Variants in GPR158 observed in about 807,000 individuals in gnomAD.
GPR158 encodes metabotropic glycine receptor.
GPR158 carries 30 observed loss-of-function variants against 78.2 expected under a neutral mutation model. The observed-to-expected ratio is 0.38, with a 90% confidence interval of 0.29 to 0.52. GPR158 has a LOEUF of 0.52. Ranked by LOEUF, GPR158 falls within the 20% of genes least tolerant of loss-of-function variation. The probability of loss-of-function intolerance (pLI) is 0.83; values close to 1 mark genes in which losing one functional copy is unlikely to be tolerated. For synonymous variants in GPR158, 581 were observed against 591.1 expected (o/e 0.98, Z 0.25); for missense variants, 1,463 against 1,523.5 (o/e 0.96, Z 0.66).
intron 1 of GPR158, among the ~76,000 whole-genome samples, chr10:25,217,845 T>A (rs1447759306): frequency 6.6e-6 from 1 of 152,112 alleles, no homozygotes; most frequent in Middle Eastern, 3.2e-3. Flanking sequence ...GGGATCCGAT[T>A]TGCTATATTT....
chr10:25,433,675 T>C (rs1834952644), intron 4 of GPR158, among the ~76,000 whole-genome samples: 1 of 119,524 alleles, frequency 8.4e-6, no homozygotes, highest in African/African-American at 3.4e-5. Flanking sequence ...GGCATTTTCC[T>C]TTCTTTCTTT....
chr10:25,202,068 T>G (rs1215558406), intron 1 of GPR158, among the ~76,000 whole-genome samples: 2 of 152,142 alleles, frequency 1.3e-5, no homozygotes, highest in African/African-American at 4.8e-5. Context: ...CTCTTCATTT[T>G]ATACATCTGA....
intron 4 of GPR158, among the ~76,000 whole-genome samples, chr10:25,443,487 A>C (rs971428729): frequency 6.6e-6 from 1 of 151,270 alleles, no homozygotes; most frequent in Non-Finnish European, 1.5e-5. Context: ...CCTGGGAGGC[A>C]GAAGTTACAG....
intron 5 of GPR158, among the ~76,000 whole-genome samples, chr10:25,512,959 C>T (rs1381242714): frequency 6.6e-6 from 1 of 151,994 alleles, no homozygotes; most frequent in African/African-American, 2.4e-5. Flanking sequence ...ATTTTTGCAT[C>T]TGTGTTCATC....
chr10:25,424,423 A>G (rs924307155), intron 4 of GPR158, among the ~76,000 whole-genome samples: 12 of 151,836 alleles, frequency 7.9e-5, no homozygotes, highest in Admixed American at 4.6e-4. Flanking sequence ...TTTTGTTGCC[A>G]TTGCTTTTGG....
chr10:25,199,908 T>A (rs1852899099), intron 1 of GPR158, among the ~76,000 whole-genome samples: 1 of 152,202 alleles, frequency 6.6e-6, no homozygotes, highest in African/African-American at 2.4e-5. Flanking sequence ...CTTTATCCAA[T>A]CTACTGTTGA....
At chr10:25,373,917 T>C (rs1226100156) in intron 2 of GPR158, among the ~76,000 whole-genome samples, 1 of 151,708 alleles carries the variant, frequency 6.6e-6, no homozygotes, top group African/African-American at 2.4e-5. Flanking sequence ...CTTTTTAATG[T>C]AATGGATATG....
chr10:25,423,999 C>A (rs1303808201), intron 4 of GPR158, among the ~76,000 whole-genome samples: 1 of 152,202 alleles, frequency 6.6e-6, no homozygotes, highest in African/African-American at 2.4e-5. Flanking sequence ...ACACTCCCAA[C>A]AGTGTAAAAG....
intron 4 of GPR158, among the ~76,000 whole-genome samples, chr10:25,465,959 G>A (rs1438905009): frequency 2.0e-5 from 3 of 152,170 alleles, no homozygotes; most frequent in African/African-American, 7.2e-5. Flanking sequence ...TGCAAGCTGA[G>A]GGCTTGAAAC....
chr10:25,560,681 C>T (rs1332353638), intron 6 of GPR158, among the ~76,000 whole-genome samples: 1 of 152,152 alleles, frequency 6.6e-6, no homozygotes, highest in Non-Finnish European at 1.5e-5. Context: ...AATGATCACA[C>T]CAGTTAAATG....
chr10:25,389,415 G>T (rs1185427319), intron 2 of GPR158, among the ~76,000 whole-genome samples: 3 of 152,156 alleles, frequency 2.0e-5, no homozygotes, highest in Non-Finnish European at 4.4e-5. Flanking sequence ...TCATCAGGAT[G>T]ACCTGCCTCA....
intron 2 of GPR158, among the ~76,000 whole-genome samples, chr10:25,306,038 C>G (rs545556178): frequency 1.3e-5 from 2 of 152,234 alleles, no homozygotes; most frequent in South Asian, 4.1e-4. Context: ...CCGTTATTAT[C>G]ACACTAAATT....
intron 2 of GPR158, among the ~76,000 whole-genome samples, chr10:25,314,231 G>C (rs1395786486): frequency 6.6e-6 from 1 of 152,048 alleles, no homozygotes; most frequent in Non-Finnish European, 1.5e-5. Flanking sequence ...CTCCCGAGTA[G>C]CTGGGACTAC....
At chr10:25,241,523 C>T (rs1405839498) in intron 2 of GPR158, among the ~76,000 whole-genome samples, 9 of 151,422 alleles carry the variant, frequency 5.9e-5, no homozygotes, top group South Asian at 4.2e-4. Flanking sequence ...TGGGTTCAAG[C>T]GATTTTCCTG....
chr10:25,505,172 A>G (rs1835994439), intron 5 of GPR158, among the ~76,000 whole-genome samples: 1 of 152,234 alleles, frequency 6.6e-6, no homozygotes. Context: ...GATGTTGACA[A>G]TGAAAGCCTT....
At chr10:25,515,339 AAT>A (rs1381238792) in intron 5 of GPR158, among the ~76,000 whole-genome samples, 1 of 151,826 alleles carries the variant, frequency 6.6e-6, no homozygotes, top group African/African-American at 2.4e-5. Context: ...CATTTTTAGA[AAT>A]TGTGATTGTT....
chr10:25,190,934 A>G (rs1330320726), intron 1 of GPR158, among the ~76,000 whole-genome samples: 1 of 152,218 alleles, frequency 6.6e-6, no homozygotes, highest in Non-Finnish European at 1.5e-5. Context: ...AATGTTGTGA[A>G]TATTAGAGAT....
At chr10:25,327,084 A>G (rs1434826910) in intron 2 of GPR158, among the ~76,000 whole-genome samples, 1 of 152,176 alleles carries the variant, frequency 6.6e-6, no homozygotes, top group Non-Finnish European at 1.5e-5. Flanking sequence ...GAATGTCTGT[A>G]TCTACAATTC....
chr10:25,469,898 T>G (rs1835474668), intron 5 of GPR158, among the ~76,000 whole-genome samples: 1 of 150,774 alleles, frequency 6.6e-6, no homozygotes, highest in Non-Finnish European at 1.5e-5. Context: ...ATTGTTGCCA[T>G]GTTCTCTTAC....
Sources: gnomAD v4.1 joint callset for allele counts (sites outside exome capture counted in the v4.1 genomes callset) on GRCh38, gnomAD v4.1.1 for gene constraint, MANE v1.5 for transcripts, NCBI Gene and HGNC (gene_info 2026-07-23, HGNC 2026-07-21) for gene names.